Variants in LPL observed in about 807,000 individuals in gnomAD.
LPL encodes phospholipase A1.
A neutral mutation model predicts 52.2 loss-of-function variants in LPL; 43 were observed. The observed-to-expected ratio is 0.82, with a 90% CI of 0.64 to 1.06. The LOEUF is 1.06. Ranked by LOEUF, LPL falls within the 50% of genes least tolerant of loss-of-function variation. LPL has a pLI of 0.00. For synonymous variants in LPL, 244 were observed against 215.6 expected (o/e 1.13, Z -1.15); for missense variants, 639 against 585.3 (o/e 1.09, Z -0.95).
chr8:19,961,061 A>C lies in LPL; in HGVS notation c.1300A>C (p.Lys434Gln). 1 of 1,614,058 alleles carries C rather than the reference A, an allele frequency of 6.2e-7. No individual in the cohort carries two copies. The highest frequency in any genetic ancestry group is 8.5e-7 in the Non-Finnish European group (1 of 1,180,018). The change falls in exon 8 of 10, where the codon AAA (lysine) becomes CAA (glutamine). Residue 434 changes from lysine (K) to glutamine (Q), a missense_variant. Coordinates refer to ENST00000650287, the MANE Select transcript of LPL (RefSeq NM_000237.3). ...PGFAIQKIRV[K>Q]AGETQKKVIF... The stretch of plus-strand genomic sequence containing the variant: ...CTTCGCCATTCAGAAGATCAGAGTA[A>C]AAGCAGGAGAGACTCAGAAAAAGTA...
intron 9 of LPL, among the ~76,000 whole-genome samples, chr8:19,962,914 A>G (rs749539533): frequency 6.6e-6 from 1 of 152,140 alleles, no homozygotes; most frequent in Non-Finnish European, 1.5e-5. Flanking sequence ...TAAGCATGTG[A>G]CCTTCACTAC....
Position 19,965,699 on chromosome 8 carries a change from C to T in LPL, c.*389C>T, listed in dbSNP as rs566726236. ...ATTTTAATTGGAATTCTGGATCTTTCGGACTGAGGCCTTCTCAAACTTTAC... is the reference window on the plus strand; with the variant it reads ...ATTTTAATTGGAATTCTGGATCTTTTGGACTGAGGCCTTCTCAAACTTTAC... On this transcript the variant is annotated 3_prime_UTR_variant, in exon 10 of 10. Coordinates refer to ENST00000650287, the MANE Select transcript of LPL (RefSeq NM_000237.3). 6.6e-5 allele frequency: 12 copies of T among 182,508 alleles called. No homozygotes were observed. The highest frequency in any genetic ancestry group is 2.7e-4 in the East Asian group (2 of 7,356). 11.3% of individuals were successfully genotyped at this position (182,508 alleles called of 1,614,324 possible). A position where few individuals can be genotyped will look rare whatever the true frequency, so the allele number is the denominator to read the frequency against.
At chr8:19,953,215 C>G (rs1052506968) in intron 3 of LPL, 95 bp from the exon 4 acceptor site, 39 of 761,744 alleles carry the variant, frequency 5.1e-5, no homozygotes, top group Non-Finnish European at 2.5e-5. Flanking sequence ...TCAGTATTTC[C>G]TATATTTGGA....
In LPL at chr8:19,965,569, G is replaced by T; in HGVS notation, c.*259G>T. The T allele has an allele frequency of 4.2e-6, 2 of 480,568 alleles. No individual in the cohort carries two copies. Among genetic ancestry groups the T allele is most frequent in the Non-Finnish European group, 7.4e-6 (2 of 270,282 alleles). 29.8% of individuals were successfully genotyped at this position (480,568 alleles called of 1,614,324 possible). ...TAAAAGACAGTGGATCATGAAAAGT[G>T]CTGTTTTGTCCTTTGAGAAAGAAAT... On this transcript the variant is annotated 3_prime_UTR_variant, in exon 10 of 10. Coordinates refer to ENST00000650287, the MANE Select transcript of LPL (RefSeq NM_000237.3).
rs756924750 is a variant in LPL, at chr8:19,962,154, G to T, written c.1362G>T (p.Gln454His). Residue 454 changes from glutamine (Q) to histidine (H), a missense_variant, in exon 9 of 10, where the codon CAG (glutamine) becomes CAT (histidine). Transcript: ENST00000650287. ...CTAGGGAGAAAGTGTCTCATTTGCA[G>T]AAAGGAAAGGCACCTGCGGTATTTG... ...FCSREKVSHLQKGKAPAVFVK... is the reference protein window; with the variant it reads ...FCSREKVSHLHKGKAPAVFVK... 6.2e-7 allele frequency: 1 copy of T among 1,613,784 alleles called. No individual in the cohort carries two copies. The highest frequency in any genetic ancestry group is 1.3e-5 in the African/African-American group (1 of 74,902).
In LPL at chr8:19,960,912, C is replaced by G; in HGVS notation, c.1151C>G (p.Ser384Cys). 1 of 1,613,574 alleles carries G rather than the reference C, an allele frequency of 6.2e-7. No individual in the cohort carries two copies. Among genetic ancestry groups the G allele is most frequent in the East Asian group, 2.2e-5 (1 of 44,840 alleles). ...GCTTTTTTGTTTAGGCCTGAAGTTTCCACAAATAAGACCTACTCCTTCCTA... is the reference window on the plus strand; with the variant it reads ...GCTTTTTTGTTTAGGCCTGAAGTTTGCACAAATAAGACCTACTCCTTCCTA... ...ENIPFTLPEV[S>C]TNKTYSFLIY... The change falls in exon 8 of 10, where the codon TCC becomes TGC. Residue 384 changes from serine (S) to cysteine (C), a missense_variant. Transcript: ENST00000650287.
chr8:19,953,769 C>A (rs138570494), intron 4 of LPL, among the ~76,000 whole-genome samples: 1 of 152,274 alleles, frequency 6.6e-6, no homozygotes, highest in Non-Finnish European at 1.5e-5. Context: ...ATTCCAGAGG[C>A]CACTTCGAAA....
chr8:19,946,622 G>A (rs983879777), intron 1 of LPL: 8 of 223,184 alleles, frequency 3.6e-5, no homozygotes, highest in South Asian at 1.8e-4. Context: ...AGTAGTCCTC[G>A]CAGCCTCATG....
chr8:19,961,028 AG>A lies in LPL; in HGVS notation c.1268del (p.Ser423IlefsTer11), dbSNP rs756650310. On this transcript the variant is annotated frameshift_variant, in exon 8 of 10. Transcript: ENST00000650287. LOFTEE classifies it high-confidence loss of function. ...CTTTAGCTGGTCAGACTGGTGGAGC[AG>A]TCCCGGCTTCGCCATTCAGAAGATC... ...SYFSWSDWWS[S>X]PGFAIQKIRV... 1.6e-5 allele frequency: 26 copies of A among 1,614,186 alleles called. No individual in the cohort carries two copies. The highest frequency in any genetic ancestry group is 2.0e-5 in the Non-Finnish European group (24 of 1,180,022).
At chr8:19,957,338 A>T (rs2069994903) in intron 6 of LPL, among the ~76,000 whole-genome samples, 1 of 152,252 alleles carries the variant, frequency 6.6e-6, no homozygotes, top group Non-Finnish European at 1.5e-5. Flanking sequence ...ATTAAAGAAC[A>T]GTGGCCCCAG....
At chr8:19,963,360 G>C (rs1040647500) in intron 9 of LPL, among the ~76,000 whole-genome samples, 3 of 151,656 alleles carry the variant, frequency 2.0e-5, no homozygotes, top group Non-Finnish European at 2.9e-5. Context: ...TGCTTGAACC[G>C]GGGAGGCAGA....
At position 19,950,977 on chromosome 8, in the gene LPL, C is replaced by G. The variant is rs1203381950; in HGVS notation, c.250-792C>G. ...AGGAAGAACAAAGAAAAGAGAAACA[C>G]TGGTAGTACAGAAAAACTTCTGATA... is the stretch of plus-strand genomic sequence containing the variant. On this transcript the variant is annotated intron_variant, in intron 2 of 9. Transcript: ENST00000650287. This position sits in a 1 kb window ranked among gnomAD's most constrained non-coding sequence, Gnocchi z 4.2. Among the ~76,000 whole-genome samples the G allele has an allele frequency of 1.9e-4, 29 of 150,420 alleles. No individual in the cohort carries two copies. The highest frequency in any genetic ancestry group is 1.9e-3 in the Admixed American group (29 of 15,178).
rs1232948734 is a variant in LPL at position 19,939,413 on chromosome 8, C to A, written c.-28C>A. On this transcript the variant is annotated 5_prime_UTR_variant, in exon 1 of 10. Transcript: ENST00000650287. The surrounding 1 kb of genome is among the most constrained non-coding windows in gnomAD (Gnocchi z 4.0). ...GGCTCATCAGTCGGTCCGCGCCTTGCAGCTCCTCCAGAGGGACGCGCCCCG... is the reference window on the plus strand; with the variant it reads ...GGCTCATCAGTCGGTCCGCGCCTTGAAGCTCCTCCAGAGGGACGCGCCCCG... 1 of 1,587,230 alleles carries A rather than the reference C, an allele frequency of 6.3e-7. No individual in the cohort carries two copies.
rs2069920099 is a variant in LPL at position 19,950,123 on chromosome 8, C to T, written c.250-1646C>T. Among the ~76,000 whole-genome samples, 1 of 152,176 alleles carries T rather than the reference C, an allele frequency of 6.6e-6. No homozygotes were observed. The highest frequency in any genetic ancestry group is 2.4e-5 in the African/African-American group (1 of 41,446). ...CAGAGACTGCTGTCTGGCTGTGGGA[C>T]TGAGTTGGGTCTGTGCAAGAACTAA... On this transcript the variant is annotated intron_variant, in intron 2 of 9. Transcript: ENST00000650287. The surrounding 1 kb of genome is among the most constrained non-coding windows in gnomAD (Gnocchi z 4.2).
At chr8:19,965,191 C>T (rs1257804744) in intron 9 of LPL, 119 bp from the exon 10 acceptor site, 1 of 729,306 alleles carries the variant, frequency 1.4e-6, no homozygotes, top group Middle Eastern at 2.3e-4. Context: ...ATTCTCACAA[C>T]CTTTGTTCTG....
At chr8:19,947,658 C>G (rs1391121034) in intron 1 of LPL, among the ~76,000 whole-genome samples, 1 of 57,356 alleles carries the variant, frequency 1.7e-5, no homozygotes, top group Non-Finnish European at 2.7e-5. Context: ...ACAAAACAAC[C>G]CCCCCCCCGC....
Position 19,939,407 on chromosome 8 carries a change from G to A in LPL, c.-34G>A. 6.3e-7 allele frequency: 1 copy of A among 1,579,172 alleles called. No individual in the cohort carries two copies. Among genetic ancestry groups the A allele is most frequent in the Non-Finnish European group, 8.6e-7 (1 of 1,162,822 alleles). ...TCAGCCGGCTCATCAGTCGGTCCGC[G>A]CCTTGCAGCTCCTCCAGAGGGACGC... On this transcript the variant is annotated 5_prime_UTR_variant, in exon 1 of 10. Coordinates refer to ENST00000650287, the MANE Select transcript of LPL (RefSeq NM_000237.3). This position sits in a 1 kb window ranked among gnomAD's most constrained non-coding sequence, Gnocchi z 4.0.
At chr8:19,948,598 A>G (rs2069904269) in intron 2 of LPL, 1 of 465,774 alleles carries the variant, frequency 2.1e-6, no homozygotes, top group East Asian at 3.7e-5. Context: ...CGAGGTTGGT[A>G]AAGGATGCTC....
intron 3 of LPL, among the ~76,000 whole-genome samples, chr8:19,952,163 G>C (rs754493647): frequency 6.6e-6 from 1 of 152,098 alleles, no homozygotes. Context: ...CTGCTCTATC[G>C]TTTGATATTT....
Sources: gnomAD v4.1 joint callset for allele counts (sites outside exome capture counted in the v4.1 genomes callset) on GRCh38, gnomAD v4.1.1 for gene constraint, Gnocchi (gnomAD v3.1) non-coding constraint, MANE v1.5 for transcripts, NCBI Gene and HGNC (gene_info 2026-07-23, HGNC 2026-07-21) for gene names.